Variants in ARHGAP29 observed in about 807,000 individuals in gnomAD.
ARHGAP29 encodes Rho GTPase activating protein 29, also known as rho GTPase-activating protein 29.
In ARHGAP29, 43 loss-of-function variants were observed where a neutral mutation model predicts 122.6. The ratio of observed to expected loss-of-function variants is 0.35; its 90% CI spans 0.27 to 0.45. ARHGAP29 has a LOEUF of 0.45. Among genes scored for constraint, ARHGAP29 ranks in the 20% least tolerant of loss-of-function variants. The probability of loss-of-function intolerance (pLI) is 1.00; values close to 1 mark genes in which losing one functional copy is unlikely to be tolerated. For missense variants in ARHGAP29, 1,303 were observed against 1,477.2 expected (o/e 0.88, Z 1.93); for synonymous variants, 506 against 497.1 (o/e 1.02, Z -0.24).
At chr1:94,211,829 T>C (rs1019168157) in intron 3 of ARHGAP29, among the ~76,000 whole-genome samples, 2 of 152,206 alleles carry the variant, frequency 1.3e-5, no homozygotes, top group African/African-American at 4.8e-5. Context: ...TACATATAAA[T>C]GTGACAAGTT....
intron 17 of ARHGAP29, 55 bp downstream of exon 17, chr1:94,185,287 A>C: frequency 6.7e-7 from 1 of 1,501,770 alleles, no homozygotes; most frequent in Non-Finnish European, 8.9e-7. Context: ...TTAAAAACAA[A>C]AAAGTATAAA....
chr1:94,198,067 T>C (rs777641416), intron 12 of ARHGAP29, among the ~76,000 whole-genome samples: 2 of 152,202 alleles, frequency 1.3e-5, no homozygotes, highest in Non-Finnish European at 2.9e-5. Flanking sequence ...GCAGGTAACA[T>C]AGTTTTCTAT....
chr1:94,291,627 G>C, the ARHGAP29 span, among the ~76,000 whole-genome samples: 1 of 152,168 alleles, frequency 6.6e-6, no homozygotes, highest in Non-Finnish European at 1.5e-5. Flanking sequence ...TCCTTCAGGG[G>C]CTCTTGTAAG....
chr1:94,204,113 C>A, intron 7 of ARHGAP29, 119 bp from the exon 8 acceptor site: 32 of 610,708 alleles, frequency 5.2e-5, no homozygotes, highest in Non-Finnish European at 6.7e-5. Flanking sequence ...TAGTGTGTAT[C>A]AAGATATAAT....
At position 94,174,484 on chromosome 1, in the gene ARHGAP29, A is replaced by G; in HGVS notation, c.3171T>C (p.Asn1057=). 6.2e-7 allele frequency: 1 copy of G among 1,614,226 alleles called. No homozygotes were observed. Among genetic ancestry groups the G allele is most frequent in the Non-Finnish European group, 8.5e-7 (1 of 1,180,036 alleles). ...AAACAGTAGTAGCAGCGTCTTTTCTATTAACTCCTTCAAAGGCAGGATTCT... is the reference window on the plus strand; with the variant it reads ...AAACAGTAGTAGCAGCGTCTTTTCTGTTAACTCCTTCAAAGGCAGGATTCT... ...FCKNPAFEGV[N]RKDAATTVCS... is the part of the protein sequence containing the mutation. Residue 1057 remains asparagine, a synonymous_variant, in exon 23 of 23, where the codon AAT becomes AAC. Transcript: ENST00000260526.
chr1:94,254,649 A>G (rs1056659574), intron 1 of ARHGAP29, among the ~76,000 whole-genome samples: 4 of 152,228 alleles, frequency 2.6e-5, no homozygotes, highest in East Asian at 1.9e-4. Context: ...CAAGCCTACT[A>G]AAAAACCAGA....
At position 94,173,955 on chromosome 1, in the gene ARHGAP29, C is replaced by T. The variant is rs1159924960; in HGVS notation, c.3700G>A (p.Asp1234Asn). 1 of 1,614,244 alleles carries T rather than the reference C, an allele frequency of 6.2e-7. No individual in the cohort carries two copies. The highest frequency in any genetic ancestry group is 1.1e-5 in the South Asian group (1 of 91,082). ...GGTCTCTGACACATTGGATTCACAT[C>T]AGGCAAGCCAAGCTCCTCAGAGTCT... ...KEDSEELGLP[D>N]VNPMCQRPRL... Residue 1234 changes from aspartate to asparagine, a missense_variant, in exon 23 of 23, where the codon GAT becomes AAT. Asp to Asn is a conservative substitution (Grantham distance 23, BLOSUM62 1). Around this residue, in one of 3 missense-constraint regions of ARHGAP29, gnomAD observed 620 missense variants for 651.2 expected, o/e 0.95. Transcript: ENST00000260526.
intron 1 of ARHGAP29, among the ~76,000 whole-genome samples, chr1:94,269,612 G>A (rs575085108): frequency 1.3e-5 from 2 of 152,150 alleles, no homozygotes; most frequent in Admixed American, 1.3e-4. Flanking sequence ...GTAAGGAAAA[G>A]ACAGTTTACA....
At chr1:94,190,189 G>T in intron 12 of ARHGAP29, 106 bp from the exon 13 acceptor site, 2 of 1,162,474 alleles carry the variant, frequency 1.7e-6, no homozygotes, top group African/African-American at 1.5e-5. Context: ...ATACAGTGAA[G>T]CATACAACAC....
chr1:94,311,709 A>C, the ARHGAP29 span, among the ~76,000 whole-genome samples: 1 of 152,132 alleles, frequency 6.6e-6, no homozygotes, highest in African/African-American at 2.4e-5. Context: ...CTCTCTTCTC[A>C]AGCCCTCTTG....
At chr1:94,205,849 TAAG>T (rs575190775) in intron 5 of ARHGAP29, among the ~76,000 whole-genome samples, 166 bp from the exon 6 acceptor site, 144 of 152,326 alleles carry the variant, frequency 9.5e-4, no homozygotes, top group South Asian at 7.7e-3. Context: ...GAACACTTCA[TAAG>T]AATTTCATAG....
At chr1:94,250,069 C>T (rs1317453300) in intron 1 of ARHGAP29, among the ~76,000 whole-genome samples, 2 of 151,938 alleles carry the variant, frequency 1.3e-5, no homozygotes, top group East Asian at 3.9e-4. Context: ...ATGATGGTCA[C>T]AAAAACCTCA....
chr1:94,205,756 C>A, intron 5 of ARHGAP29, 73 bp from the exon 6 acceptor site: 2 of 1,290,030 alleles, frequency 1.6e-6, no homozygotes, highest in South Asian at 1.3e-5. Context: ...TTTTTTGCCC[C>A]AATTTGTTAC....
At chr1:94,202,800 T>C (rs1650933404) in intron 10 of ARHGAP29, 68 bp from the exon 11 acceptor site, 7 of 1,561,950 alleles carry the variant, frequency 4.5e-6, no homozygotes, top group Non-Finnish European at 5.2e-6. Context: ...CTTTAGCATA[T>C]TCAGCAAGAT....
chr1:94,291,928 T>G, the ARHGAP29 span, among the ~76,000 whole-genome samples: 5 of 152,218 alleles, frequency 3.3e-5, no homozygotes, highest in Admixed American at 6.5e-5. Flanking sequence ...CAATTTTGTG[T>G]CTTGGGGTTG....
At chr1:94,247,844 G>A (rs1653883135) in intron 1 of ARHGAP29, 1 of 195,202 alleles carries the variant, frequency 5.1e-6, no homozygotes. Context: ...ACCGCGGCAG[G>A]TTGGGGCGGC....
chr1:94,307,342 A>G, the ARHGAP29 span, among the ~76,000 whole-genome samples: 6 of 152,246 alleles, frequency 3.9e-5, no homozygotes, highest in Admixed American at 2.0e-4. Context: ...TTCTTCAAAC[A>G]TCTTATCACT....
chr1:94,273,954 A>T (rs1655090567), intron 1 of ARHGAP29, among the ~76,000 whole-genome samples: 1 of 152,230 alleles, frequency 6.6e-6, no homozygotes. Flanking sequence ...TTATAAAAAT[A>T]ACAGTTAATA....
At chr1:94,231,087 CTG>C (rs1652895555) in intron 2 of ARHGAP29, among the ~76,000 whole-genome samples, 1 of 152,032 alleles carries the variant, frequency 6.6e-6, no homozygotes, top group Non-Finnish European at 1.5e-5. Flanking sequence ...AATCAATGCA[CTG>C]TGTTACCATT....
Sources: allele counts gnomAD v4.1 joint callset (sites outside exome capture counted in the v4.1 genomes callset), GRCh38; gene constraint gnomAD v4.1.1; regional missense constraint gnomAD v4.1.1; transcripts MANE v1.5; gene names NCBI Gene and HGNC (gene_info 2026-07-23, HGNC 2026-07-21).